PHLPP1: variants seen among roughly 807,000 people sequenced by gnomAD.
PHLPP1 encodes the protein PH domain leucine-rich repeat-containing protein phosphatase 1.
PHLPP1 carries 42 observed loss-of-function variants against 117.2 expected under a neutral mutation model. That is an observed-to-expected ratio of 0.36 (90% confidence interval 0.28 to 0.46). PHLPP1 has a LOEUF of 0.46. PHLPP1 is among the 20% of genes least tolerant of loss of function. PHLPP1 has a pLI of 1.00. For missense variants in PHLPP1, 2,084 were observed against 2,241.9 expected (o/e 0.93, Z 1.42); for synonymous variants, 1,042 against 970.7 (o/e 1.07, Z -1.37).
intron 1 of PHLPP1, among the ~76,000 whole-genome samples, chr18:62,785,145 A>G (rs1913241773): frequency 6.6e-6 from 1 of 152,206 alleles, no homozygotes; most frequent in Admixed American, 6.5e-5. Context: ...GGAATAGAGA[A>G]TGCATGTGAT....
chr18:62,761,984 T>A (rs1912259971), intron 1 of PHLPP1, among the ~76,000 whole-genome samples: 1 of 152,218 alleles, frequency 6.6e-6, no homozygotes, highest in African/African-American at 2.4e-5. Flanking sequence ...TATAATTAGA[T>A]GATCTTAAAC....
chr18:62,945,523 C>T (rs17070459), intron 12 of PHLPP1, among the ~76,000 whole-genome samples: 2,880 of 152,310 alleles, frequency 0.019, 93 homozygotes, highest in African/African-American at 0.065. Flanking sequence ...TACTGTATGA[C>T]ATGAGGCTAC....
intron 1 of PHLPP1, among the ~76,000 whole-genome samples, chr18:62,753,377 T>C (rs1911917892): frequency 6.6e-6 from 1 of 152,246 alleles, no homozygotes; most frequent in Non-Finnish European, 1.5e-5. Context: ...ATATGGTTTA[T>C]ATATAGAGTT....
intron 1 of PHLPP1, among the ~76,000 whole-genome samples, chr18:62,741,975 T>C (rs542573304): frequency 3.3e-5 from 5 of 152,226 alleles, no homozygotes; most frequent in Admixed American, 6.5e-5. Context: ...TTGGTCATTA[T>C]AGTTTTTCTC....
rs1336803146 is a variant in PHLPP1, at chr18:62,795,494, A to AG, written c.1577-34541_1577-34540insG. Among the ~76,000 whole-genome samples, 136 of 84,524 alleles carry AG rather than the reference A, an allele frequency of 1.6e-3. 1 individual carries two copies. The highest frequency in any genetic ancestry group is 8.5e-3 in the African/African-American group (132 of 15,532). 55.5% of individuals were successfully genotyped at this position (84,524 alleles called of 152,430 possible). A position where few individuals can be genotyped will look rare whatever the true frequency, so the allele number is the denominator to read the frequency against. ...GGCGACAGAGTGAGACTCCATCTCAAAAAAAAAAAAAAAAAAAAACAACAA... is the reference window on the plus strand; with the variant it reads ...GGCGACAGAGTGAGACTCCATCTCAAGAAAAAAAAAAAAAAAAAAACAACAA... On this transcript the variant is annotated intron_variant, in intron 1 of 16. Coordinates refer to ENST00000262719, the MANE Select transcript of PHLPP1 (RefSeq NM_194449.4).
At chr18:62,865,623 G>C (rs1293233061) in intron 4 of PHLPP1, among the ~76,000 whole-genome samples, 1 of 152,130 alleles carries the variant, frequency 6.6e-6, no homozygotes, top group Non-Finnish European at 1.5e-5. Context: ...AATTCATCCA[G>C]ACTATCAACC....
intron 1 of PHLPP1, among the ~76,000 whole-genome samples, chr18:62,824,738 CA>C (rs1468868063): frequency 6.6e-6 from 1 of 152,026 alleles, no homozygotes; most frequent in Non-Finnish European, 1.5e-5. Context: ...CTTCACAAAA[CA>C]GTGACTTTTT....
chr18:62,964,301 C>A (rs1301941837), intron 14 of PHLPP1, among the ~76,000 whole-genome samples: 1 of 152,196 alleles, frequency 6.6e-6, no homozygotes, highest in African/African-American at 2.4e-5. Flanking sequence ...TTTAAAAAGT[C>A]TCCCAACCTA....
chr18:62,976,477 A>C (rs1911190533), intron 16 of PHLPP1, among the ~76,000 whole-genome samples: 1 of 152,346 alleles, frequency 6.6e-6, no homozygotes, highest in South Asian at 2.1e-4. Context: ...TGACGTGCAA[A>C]CCATGATTCA....
chr18:62,788,714 A>G (rs938436800), intron 1 of PHLPP1, among the ~76,000 whole-genome samples: 1 of 152,320 alleles, frequency 6.6e-6, no homozygotes, highest in South Asian at 2.1e-4. Context: ...TTTATACTGT[A>G]CAACTTGTCT....
At chr18:62,905,403 AT>A (rs2144409438) in intron 8 of PHLPP1, 119 bp downstream of exon 8, 1 of 444,158 alleles carries the variant, frequency 2.3e-6, no homozygotes, top group Non-Finnish European at 4.0e-6. Flanking sequence ...AAAATTAATG[AT>A]TTTTACTTTA....
At chr18:62,871,489 G>A (rs1293892661) in intron 4 of PHLPP1, among the ~76,000 whole-genome samples, 3 of 150,822 alleles carry the variant, frequency 2.0e-5, no homozygotes, top group African/African-American at 7.3e-5. Context: ...CACCACACCC[G>A]GGCTAATTTT....
At chr18:62,795,611 C>T (rs1273106288) in intron 1 of PHLPP1, among the ~76,000 whole-genome samples, 1 of 151,924 alleles carries the variant, frequency 6.6e-6, no homozygotes, top group Non-Finnish European at 1.5e-5. Flanking sequence ...GACCTCTTCT[C>T]TACAGGAATC....
chr18:62,902,265 A>G (rs1207052763), intron 6 of PHLPP1, among the ~76,000 whole-genome samples: 9 of 152,102 alleles, frequency 5.9e-5, no homozygotes, highest in Admixed American at 4.6e-4. Context: ...GCATTCTAAG[A>G]TTTCTCAATG....
At chr18:62,738,785 T>C (rs1263379633) in intron 1 of PHLPP1, among the ~76,000 whole-genome samples, 1 of 152,260 alleles carries the variant, frequency 6.6e-6, no homozygotes, top group East Asian at 1.9e-4. Flanking sequence ...TACTGTATTG[T>C]ACTCATCTAT....
At position 62,880,249 on chromosome 18, in the gene PHLPP1, A is replaced by G. The variant is rs181971330; in HGVS notation, c.2067-14762A>G. 6.4e-4 allele frequency among the ~76,000 whole-genome samples: 97 copies of G among 151,120 alleles called. 1 individual carries two copies. Among genetic ancestry groups the G allele is most frequent in the African/African-American group, 2.3e-3 (95 of 41,160 alleles). ...TTTAGCTGTGAGATATGCTTAGCCT[A>G]TTTGTTATATGGTGTTTAGGCTACT... On this transcript the variant is annotated intron_variant, in intron 4 of 16. Coordinates refer to ENST00000262719, the MANE Select transcript of PHLPP1 (RefSeq NM_194449.4).
intron 12 of PHLPP1, among the ~76,000 whole-genome samples, chr18:62,951,939 C>T (rs547206127): frequency 5.9e-5 from 9 of 151,662 alleles, no homozygotes; most frequent in South Asian, 4.2e-4. Context: ...CTCAGCCTCC[C>T]GAGTAGCTGG....
chr18:62,810,710 A>G (rs1193312995), intron 1 of PHLPP1, among the ~76,000 whole-genome samples: 1 of 152,200 alleles, frequency 6.6e-6, no homozygotes, highest in East Asian at 1.9e-4. Flanking sequence ...AAGCGAAATC[A>G]TGGATAAGGG....
At chr18:62,814,599 A>G (rs1177274895) in intron 1 of PHLPP1, among the ~76,000 whole-genome samples, 1 of 152,190 alleles carries the variant, frequency 6.6e-6, no homozygotes, top group East Asian at 1.9e-4. Flanking sequence ...GTGAGAGTTG[A>G]GTGTTTTCAC....
Sources: allele counts gnomAD v4.1 joint callset (sites outside exome capture counted in the v4.1 genomes callset), GRCh38; gene constraint gnomAD v4.1.1; transcripts MANE v1.5; gene names NCBI Gene and HGNC (gene_info 2026-07-23, HGNC 2026-07-21).